Variants in PRORP observed in about 807,000 individuals in gnomAD.
The protein encoded by PRORP is protein only RNase P catalytic subunit.
A neutral mutation model predicts 59.4 loss-of-function variants in PRORP; 51 were observed. That is an observed-to-expected ratio of 0.86 (90% CI 0.69 to 1.08). PRORP has a LOEUF of 1.08. PRORP is among the 50% of genes least tolerant of loss of function. The pLI, the probability that PRORP is intolerant of heterozygous loss-of-function variation, is 0.00. For synonymous variants in PRORP, 231 were observed against 245.6 expected (o/e 0.94, Z 0.55); for missense variants, 646 against 690.3 (o/e 0.94, Z 0.72).
At chr14:35,249,170 C>T (rs987934471) in intron 5 of PRORP, among the ~76,000 whole-genome samples, 9 of 152,112 alleles carry the variant, frequency 5.9e-5, no homozygotes, top group Non-Finnish European at 1.2e-4. Flanking sequence ...TTTGACTTAA[C>T]CCCATTATAT....
intron 3 of PRORP, 66 bp downstream of exon 3, chr14:35,126,848 G>T: frequency 1.7e-6 from 2 of 1,205,114 alleles, no homozygotes; most frequent in South Asian, 1.3e-5. Flanking sequence ...GCTATTAATT[G>T]AAAAATATTT....
At chr14:35,248,509 G>A (rs190133421) in intron 5 of PRORP, among the ~76,000 whole-genome samples, 2 of 152,314 alleles carry the variant, frequency 1.3e-5, no homozygotes, top group African/African-American at 2.4e-5. Context: ...GTTCCAGCAA[G>A]ACAATATGAT....
intron 4 of PRORP, among the ~76,000 whole-genome samples, chr14:35,152,668 C>T (rs1300545218): frequency 6.6e-6 from 1 of 152,072 alleles, no homozygotes; most frequent in Admixed American, 6.5e-5. Context: ...CTCCTCACTT[C>T]CCAGACGGGG....
intron 4 of PRORP, among the ~76,000 whole-genome samples, chr14:35,172,376 C>T (rs2048331040): frequency 6.6e-6 from 1 of 151,524 alleles, no homozygotes; most frequent in African/African-American, 2.4e-5. Context: ...CTCTTGTCTG[C>T]TAACTCAGGC....
chr14:35,199,617 T>C (rs1284015007), intron 5 of PRORP, among the ~76,000 whole-genome samples: 1 of 152,168 alleles, frequency 6.6e-6, no homozygotes, highest in Non-Finnish European at 1.5e-5. Flanking sequence ...ACCCAAGGTC[T>C]TCACCAGATA....
chr14:35,149,194 C>T (rs2047683775), intron 4 of PRORP, among the ~76,000 whole-genome samples: 1 of 151,526 alleles, frequency 6.6e-6, no homozygotes, highest in South Asian at 2.1e-4. Flanking sequence ...GCTGGGATTA[C>T]AAGCGTGAGC....
Position 35,180,526 on chromosome 14 carries a change from C to G in PRORP, c.1168-144C>G, listed in dbSNP as rs112688010. On this transcript the variant is annotated intron_variant, in intron 4 of 7. Transcript: ENST00000534898. Reference sequence around the variant, plus strand: ...TTTTCAGATTTCATTTGTAGAGTATCTGTGTGTGTGTGTGTGTGTGTGTGT... The same window carrying G: ...TTTTCAGATTTCATTTGTAGAGTATGTGTGTGTGTGTGTGTGTGTGTGTGT... 73 of 538,116 alleles carry G rather than the reference C, an allele frequency of 1.4e-4. 1 individual carries two copies. In the Middle Eastern group the frequency reaches 2.0e-3, roughly 15 times the overall value. The allele number at this position is 538,116 out of a possible 1,614,324, so 33.3% of individuals were successfully genotyped here.
chr14:35,151,639 T>TACACACAC lies in PRORP; in HGVS notation c.1167+24060_1167+24067dup, dbSNP rs55940352. Among the ~76,000 whole-genome samples, 478 of 141,830 alleles carry TACACACAC rather than the reference T, an allele frequency of 3.4e-3. 1 individual carries two copies. Among genetic ancestry groups the TACACACAC allele is most frequent in the African/African-American group, 0.011 (420 of 38,252 alleles). The allele number at this position is 141,830 out of a possible 152,430, so 93.0% of individuals were successfully genotyped here. ...TTATCTGACATGCTACACACACACATACACACACACACACACACACACACA... is the reference window on the plus strand; with the variant it reads ...TTATCTGACATGCTACACACACACATACACACACACACACACACACACACACACACACA... On this transcript the variant is annotated intron_variant, in intron 4 of 7. Coordinates refer to ENST00000534898, the MANE Select transcript of PRORP (RefSeq NM_014672.4).
intron 4 of PRORP, among the ~76,000 whole-genome samples, chr14:35,173,774 A>G (rs895981675): frequency 6.6e-6 from 1 of 151,740 alleles, no homozygotes; most frequent in African/African-American, 2.4e-5. Flanking sequence ...ATTTATTACT[A>G]TTATTATTGT....
At chr14:35,154,230 T>C (rs1388693194) in intron 4 of PRORP, among the ~76,000 whole-genome samples, 2 of 152,128 alleles carry the variant, frequency 1.3e-5, no homozygotes, top group African/African-American at 4.8e-5. Flanking sequence ...GAAGTTGTGA[T>C]TTAGGTGAAT....
rs1048392664 is a variant in PRORP at position 35,140,953 on chromosome 14, A to C, written c.1167+13342A>C. On this transcript the variant is annotated intron_variant, in intron 4 of 7. Transcript: ENST00000534898. ...ATAAAAATTATTCTAGGTATGACCA[A>C]GTCCATCAGGTTAAAGGATTTGTTG... is the stretch of plus-strand genomic sequence containing the variant. 4.1e-5 allele frequency among the ~76,000 whole-genome samples: 6 copies of C among 146,412 alleles called. 1 individual carries two copies. The highest frequency in any genetic ancestry group is 1.5e-4 in the African/African-American group (6 of 41,082).
At chr14:35,168,074 A>G (rs1402960627) in intron 4 of PRORP, among the ~76,000 whole-genome samples, 1 of 152,228 alleles carries the variant, frequency 6.6e-6, no homozygotes, top group African/African-American at 2.4e-5. Context: ...CACTGTTAAC[A>G]TTCACATATA....
At chr14:35,182,455 G>A (rs1272888831) in intron 5 of PRORP, among the ~76,000 whole-genome samples, 2 of 151,892 alleles carry the variant, frequency 1.3e-5, no homozygotes, top group East Asian at 1.9e-4. Flanking sequence ...GACCAGCCTG[G>A]CCAACATGGT....
chr14:35,268,910 T>G (rs2051116292), intron 6 of PRORP, among the ~76,000 whole-genome samples: 1 of 152,210 alleles, frequency 6.6e-6, no homozygotes, highest in African/African-American at 2.4e-5. Flanking sequence ...TCATTTATTA[T>G]TTAAAAAGTA....
chr14:35,208,987 C>G (rs1468866051), intron 5 of PRORP, among the ~76,000 whole-genome samples: 1 of 151,584 alleles, frequency 6.6e-6, no homozygotes, highest in Non-Finnish European at 1.5e-5. Flanking sequence ...GCCGAGATTG[C>G]ACAACTGCAC....
At chr14:35,256,324 A>ATTT (rs2050756730) in intron 5 of PRORP, among the ~76,000 whole-genome samples, 1 of 109,082 alleles carries the variant, frequency 9.2e-6, no homozygotes, top group African/African-American at 3.9e-5. Context: ...AATTGTGCGT[A>ATTT]TCTTTTTTTT....
rs1200391429 is a variant in PRORP at position 35,273,451 on chromosome 14, A to G, written c.1637A>G (p.Asp546Gly). 9 of 1,611,654 alleles carry G rather than the reference A, an allele frequency of 5.6e-6. No homozygotes were observed. Among genetic ancestry groups the G allele is most frequent in the Non-Finnish European group, 7.6e-6 (9 of 1,178,988 alleles). ...KLTFQRILSY[D>G]TVVQTTGDSW... Reference sequence around the variant, plus strand: ...ATTCAACAGCGTATTCTCAGCTATGACACAGTGGTGCAAACAACTGGAGAC... The same window carrying G: ...ATTCAACAGCGTATTCTCAGCTATGGCACAGTGGTGCAAACAACTGGAGAC... The change falls in exon 8 of 8, where the codon GAC (aspartate) becomes GGC (glycine). Residue 546 changes from aspartate (D) to glycine (G), a missense_variant. By Grantham distance (94) the Asp-to-Gly change is moderately conservative. Coordinates refer to ENST00000534898, the MANE Select transcript of PRORP (RefSeq NM_014672.4).
chr14:35,191,280 C>T (rs965091795), intron 5 of PRORP, among the ~76,000 whole-genome samples: 1 of 152,160 alleles, frequency 6.6e-6, no homozygotes, highest in Admixed American at 6.5e-5. Context: ...CTCTCATTCT[C>T]TCTTGCCCAC....
intron 5 of PRORP, among the ~76,000 whole-genome samples, chr14:35,257,487 G>C (rs1382354440): frequency 6.6e-6 from 1 of 152,068 alleles, no homozygotes; most frequent in Non-Finnish European, 1.5e-5. Context: ...TTTTCACTTA[G>C]TTTTCAAGTT....
Sources: allele counts gnomAD v4.1 joint callset (sites outside exome capture counted in the v4.1 genomes callset), GRCh38; gene constraint gnomAD v4.1.1; transcripts MANE v1.5; gene names NCBI Gene and HGNC (gene_info 2026-07-23, HGNC 2026-07-21).